The following FHOD3 variants were observed in gnomAD, a reference collection of about 807,000 sequenced individuals.
FHOD3 encodes the protein FH1/FH2 domain-containing protein 3.
A neutral mutation model predicts 173.0 loss-of-function variants in FHOD3; 90 were observed. That is an observed-to-expected ratio of 0.52 (90% confidence interval 0.44 to 0.62). The LOEUF (loss-of-function observed/expected upper bound fraction) is 0.62. Ranked by LOEUF, FHOD3 falls within the 20% of genes least tolerant of loss-of-function variation. FHOD3 has a pLI of 0.00. For synonymous variants in FHOD3, 828 were observed against 823.0 expected, an observed-to-expected ratio of 1.01 and a Z score of -0.10; for missense variants, 1,945 against 2,034.7, an observed-to-expected ratio of 0.96 and a Z score of 0.85.
chr18:36,629,233 A>G (rs1003201409), intron 10 of FHOD3, among the ~76,000 whole-genome samples: 2 of 152,172 alleles, frequency 1.3e-5, no homozygotes, highest in Admixed American at 6.5e-5. Context: ...GACGGTCTCT[A>G]TTGCAACTAC....
At chr18:36,564,086 TCACCCCAGGTGA>T (rs370220403) in intron 5 of FHOD3, among the ~76,000 whole-genome samples, 20 of 152,118 alleles carry the variant, frequency 1.3e-4, no homozygotes, top group African/African-American at 2.4e-4. Flanking sequence ...TGACTCGGTG[TCACCCCAGGTGA>T]CACCCCAGGT....
At chr18:36,449,450 C>T (rs534460826) in intron 3 of FHOD3, among the ~76,000 whole-genome samples, 1 of 152,200 alleles carries the variant, frequency 6.6e-6, no homozygotes, top group South Asian at 2.1e-4. Context: ...GACTTCAAGG[C>T]TTAAGGGTAC....
intron 21 of FHOD3, among the ~76,000 whole-genome samples, chr18:36,741,375 C>T (rs746244919): frequency 1.1e-4 from 17 of 152,198 alleles, no homozygotes; most frequent in South Asian, 2.1e-4. Context: ...GGGAGTTTTT[C>T]GCAGGCTGAA....
At chr18:36,411,634 A>G (rs1295906864) in intron 3 of FHOD3, among the ~76,000 whole-genome samples, 1 of 152,216 alleles carries the variant, frequency 6.6e-6, no homozygotes, top group East Asian at 1.9e-4. Flanking sequence ...TAGAGTAACC[A>G]CATTTACAAT....
At chr18:36,613,436 T>G (rs74943271) in intron 9 of FHOD3, among the ~76,000 whole-genome samples, 1,781 of 152,266 alleles carry the variant, frequency 0.012, 28 homozygotes, top group African/African-American at 0.041. Context: ...GAAATGACAC[T>G]CTTTCTTGCT....
chr18:36,668,931 A>G (rs565521260), intron 14 of FHOD3, among the ~76,000 whole-genome samples: 16 of 152,086 alleles, frequency 1.1e-4, no homozygotes, highest in Admixed American at 3.3e-4. Flanking sequence ...TATACTGTGT[A>G]AACTTGAAAA....
chr18:36,705,239 ACCT>A (rs1016418892), intron 17 of FHOD3, among the ~76,000 whole-genome samples: 3 of 151,214 alleles, frequency 2.0e-5, no homozygotes, highest in Admixed American at 6.6e-5. Flanking sequence ...AACCACCCAA[ACCT>A]CCTCTCACTC....
chr18:36,536,326 T>G (rs1301934417), intron 5 of FHOD3, among the ~76,000 whole-genome samples: 2 of 152,234 alleles, frequency 1.3e-5, no homozygotes, highest in Admixed American at 1.3e-4. Context: ...TCTCTTAGTA[T>G]TTAGAACTTT....
Position 36,717,927 on chromosome 18 carries a change from C to A in FHOD3, c.2629C>A (p.His877Asn), listed in dbSNP as rs1247424901. 1.1e-5 allele frequency: 18 copies of A among 1,613,836 alleles called. No individual in the cohort carries two copies. Among genetic ancestry groups the A allele is most frequent in the Non-Finnish European group, 1.5e-5 (18 of 1,179,982 alleles). ...KRFMLDMLYA[H>N]NRKSPDDEEK... ...GTTCATGCTTGACATGCTGTATGCC[C>A]ATAACAGGAAGTCTCCGGATGATGA... The change falls in exon 19 of 29, where the codon CAT becomes AAT. Residue 877 changes from histidine (H) to asparagine (N), a missense_variant. Coordinates refer to ENST00000590592, the MANE Select transcript of FHOD3 (RefSeq NM_001281740.3).
chr18:36,359,567 A>G (rs1245037894), intron 2 of FHOD3, among the ~76,000 whole-genome samples: 1 of 152,178 alleles, frequency 6.6e-6, no homozygotes, highest in African/African-American at 2.4e-5. Context: ...AGTTCATAAA[A>G]TGAGGACACT....
intron 20 of FHOD3, among the ~76,000 whole-genome samples, chr18:36,740,336 A>G (rs1289812109): frequency 6.6e-6 from 1 of 152,186 alleles, no homozygotes; most frequent in African/African-American, 2.4e-5. Flanking sequence ...TTAATGCAGG[A>G]GAAGTGCTAC....
chr18:36,724,254 G>A (rs938821914), intron 19 of FHOD3, among the ~76,000 whole-genome samples: 6 of 152,192 alleles, frequency 3.9e-5, no homozygotes, highest in African/African-American at 1.2e-4. Context: ...ATATCCAGCC[G>A]AGCCTAAATA....
intron 6 of FHOD3, among the ~76,000 whole-genome samples, 157 bp downstream of exon 6, chr18:36,576,702 C>T (rs1462554109): frequency 1.3e-5 from 2 of 152,212 alleles, no homozygotes; most frequent in Admixed American, 6.5e-5. Flanking sequence ...TTAAGATACA[C>T]TTAAATTGCA....
At position 36,298,005 on chromosome 18, in the gene FHOD3, G is replaced by A; in HGVS notation, c.165+5G>A. The A allele has an allele frequency of 6.5e-7, 1 of 1,533,156 alleles. No individual in the cohort carries two copies. The highest frequency in any genetic ancestry group is 8.8e-7 in the Non-Finnish European group (1 of 1,141,234). The allele number at this position is 1,533,156 out of a possible 1,614,324, so 95.0% of individuals were successfully genotyped here. On this transcript the variant is annotated splice_donor_5th_base_variant and intron_variant, in intron 1 of 28. Transcript: ENST00000590592. ...CTGCTGCAGGCGCCGCACAAGGTAC[G>A]ACCCGGCGGGGTGGGCTGGGCCCCC...
At chr18:36,646,724 G>A (rs933431629) in intron 10 of FHOD3, among the ~76,000 whole-genome samples, 4 of 152,160 alleles carry the variant, frequency 2.6e-5, no homozygotes, top group Non-Finnish European at 4.4e-5. Flanking sequence ...CTGAAAGTTA[G>A]TGAAATGAAG....
intron 18 of FHOD3, among the ~76,000 whole-genome samples, chr18:36,716,775 G>C (rs2040472868): frequency 6.6e-6 from 1 of 152,120 alleles, no homozygotes; most frequent in Non-Finnish European, 1.5e-5. Flanking sequence ...CAAGAGAAAA[G>C]AAAAAGAGAA....
At chr18:36,587,394 C>T (rs2059072520) in intron 6 of FHOD3, among the ~76,000 whole-genome samples, 1 of 152,158 alleles carries the variant, frequency 6.6e-6, no homozygotes, top group East Asian at 1.9e-4. Context: ...CATCGTATTT[C>T]CCAAAGGTAA....
chr18:36,426,173 G>C (rs1425480699), intron 3 of FHOD3, among the ~76,000 whole-genome samples: 1 of 151,918 alleles, frequency 6.6e-6, no homozygotes, highest in Non-Finnish European at 1.5e-5. Flanking sequence ...CAAAGTGCTG[G>C]GATTACAGGC....
chr18:36,453,776 C>A (rs1237758172), intron 3 of FHOD3, among the ~76,000 whole-genome samples: 1 of 152,134 alleles, frequency 6.6e-6, no homozygotes, highest in African/African-American at 2.4e-5. Context: ...GCCGGCACTG[C>A]ACAGGCAGAG....
Sources: gnomAD v4.1 joint callset for allele counts (sites outside exome capture counted in the v4.1 genomes callset) on GRCh38, gnomAD v4.1.1 for gene constraint, MANE v1.5 for transcripts, NCBI Gene and HGNC (gene_info 2026-07-23, HGNC 2026-07-21) for gene names.